UPF2: variants seen among roughly 807,000 people sequenced by gnomAD.
The protein encoded by UPF2 is UPF2 regulator of nonsense mediated mRNA decay.
UPF2 carries 17 observed loss-of-function variants against 141.4 expected under a neutral mutation model. That is an observed-to-expected ratio of 0.12 (90% CI 0.08 to 0.18). The LOEUF (loss-of-function observed/expected upper bound fraction) is 0.18, where lower values mean the gene tolerates loss of function less well. Among genes scored for constraint, UPF2 ranks in the 10% least tolerant of loss-of-function variants. UPF2 has a pLI of 1.00. For missense variants in UPF2, 1,152 were observed against 1,515.9 expected, an observed-to-expected ratio of 0.76 and a Z score of 3.99; for synonymous variants, 540 against 498.0, an observed-to-expected ratio of 1.08 and a Z score of -1.12.
rs1454743260 is a variant in UPF2 at position 11,936,969 on chromosome 10, C to A, written c.3379-257G>T. 6.6e-6 allele frequency among the ~76,000 whole-genome samples: 1 copy of A among 152,212 alleles called. No individual in the cohort carries two copies. The highest frequency in any genetic ancestry group is 1.5e-5 in the Non-Finnish European group (1 of 68,030). On this transcript the variant is annotated intron_variant, in intron 18 of 21. Transcript: ENST00000357604. The surrounding 1 kb of genome is among the most constrained non-coding windows in gnomAD (Gnocchi z 6.6). ...ACTTGGCTGCTGTTGACTGCTCCAG[C>A]CTCTCCCAAGCACGCAGTGCTGCGG...
In UPF2 at chr10:12,010,868, G is replaced by C. The variant is rs527700819; in HGVS notation, c.1306+3156C>G. ...TATAGATTATATAAATAAGAACAAA[G>C]GTCAGAAAGGTAGGAGCATTCTTGA... On this transcript the variant is annotated intron_variant, in intron 4 of 21. Coordinates refer to ENST00000357604, the MANE Select transcript of UPF2 (RefSeq NM_015542.4). 9.9e-5 allele frequency among the ~76,000 whole-genome samples: 15 copies of C among 151,864 alleles called. No individual in the cohort carries two copies. The South Asian group carries it at 3.1e-3, about 32-fold the overall frequency.
At chr10:11,984,067 G>T (rs979281506) in intron 8 of UPF2, among the ~76,000 whole-genome samples, 1 of 152,050 alleles carries the variant, frequency 6.6e-6, no homozygotes, top group Non-Finnish European at 1.5e-5. Context: ...GGGATTACAG[G>T]TATGCACCAC....
chr10:11,961,191 C>T (rs954644381), intron 11 of UPF2, among the ~76,000 whole-genome samples: 1 of 151,586 alleles, frequency 6.6e-6, no homozygotes, highest in South Asian at 2.1e-4. Context: ...TTCCTACTTA[C>T]AAGAAACTTA....
At chr10:12,003,595 AAGGACATC>A (rs1413405397) in intron 5 of UPF2, among the ~76,000 whole-genome samples, 1 of 152,186 alleles carries the variant, frequency 6.6e-6, no homozygotes, top group African/African-American at 2.4e-5. Flanking sequence ...AAAGTTATTC[AAGGACATC>A]AGGTAGGCAG....
intron 14 of UPF2, among the ~76,000 whole-genome samples, chr10:11,952,505 C>A (rs899200645): frequency 1.6e-5 from 2 of 123,668 alleles, no homozygotes; most frequent in Middle Eastern, 0.014. Context: ...GATGGAGTCT[C>A]GCTCTGTCAC....
At chr10:11,987,528 C>T (rs917768053) in intron 8 of UPF2, among the ~76,000 whole-genome samples, 1 of 151,742 alleles carries the variant, frequency 6.6e-6, no homozygotes, top group African/African-American at 2.4e-5. Flanking sequence ...GAGGCCTAGG[C>T]GGGTGGATCA....
At chr10:12,000,711 C>T (rs1034647154) in intron 6 of UPF2, among the ~76,000 whole-genome samples, 1 of 152,052 alleles carries the variant, frequency 6.6e-6, no homozygotes, top group Non-Finnish European at 1.5e-5. Context: ...GAGGTTGATG[C>T]AGGAGGATGA....
intron 8 of UPF2, among the ~76,000 whole-genome samples, chr10:11,984,323 T>A (rs1833650447): frequency 6.6e-6 from 1 of 152,238 alleles, no homozygotes; most frequent in African/African-American, 2.4e-5. Flanking sequence ...AAATTATGTT[T>A]CACTGAGATT....
chr10:12,024,931 CAAAAAAAAAAAAAAAA>C (rs61678431), intron 3 of UPF2, among the ~76,000 whole-genome samples: 11 of 53,490 alleles, frequency 2.1e-4, no homozygotes, highest in African/African-American at 7.7e-4. Context: ...GACCCTGTTA[CAAAAAAAAAAAAAAAA>C]AAAAAAAAAA....
intron 9 of UPF2, among the ~76,000 whole-genome samples, chr10:11,972,896 T>C (rs1291720549): frequency 6.6e-5 from 10 of 152,164 alleles, no homozygotes; most frequent in Non-Finnish European, 1.2e-4. Flanking sequence ...TGGGTATATA[T>C]CCAGTAATGG....
At position 11,931,867 on chromosome 10, in the gene UPF2, C is replaced by T. The variant is rs938966232; in HGVS notation, c.3547-85G>A. On this transcript the variant is annotated intron_variant, in intron 19 of 21. Transcript: ENST00000357604. This position sits in a 1 kb window ranked among gnomAD's most constrained non-coding sequence, Gnocchi z 5.9. ...CAGACTTCAAATAAAATAGCAAGTA[C>T]AGGCTGGGCACGGTGGCTCACGCCT... 2.0e-6 allele frequency: 3 copies of T among 1,471,798 alleles called. No individual in the cohort carries two copies. The African/African-American group carries it at 4.3e-5, about 21-fold the overall frequency. 91.2% of individuals were successfully genotyped at this position (1,471,798 alleles called of 1,614,324 possible). A position where few individuals can be genotyped will look rare whatever the true frequency, so the allele number is the denominator to read the frequency against.
chr10:11,952,632 G>A (rs866899780), intron 14 of UPF2, among the ~76,000 whole-genome samples: 4 of 151,676 alleles, frequency 2.6e-5, no homozygotes, highest in Admixed American at 1.3e-4. Context: ...ATGCCACCAC[G>A]CCCGGCTACT....
intron 10 of UPF2, among the ~76,000 whole-genome samples, chr10:11,964,408 C>A (rs564698189): frequency 6.6e-6 from 1 of 152,216 alleles, no homozygotes; most frequent in Non-Finnish European, 1.5e-5. Context: ...GCCACATACA[C>A]AGCAGACATT....
At chr10:11,985,075 A>C (rs1246560098) in intron 8 of UPF2, among the ~76,000 whole-genome samples, 1 of 152,208 alleles carries the variant, frequency 6.6e-6, no homozygotes, top group Non-Finnish European at 1.5e-5. Context: ...TCAATGAAGT[A>C]ACAACACGGG....
In UPF2 at chr10:11,956,730, G is replaced by A. The variant is rs1833157411; in HGVS notation, c.2371-207C>T. On this transcript the variant is annotated intron_variant, in intron 12 of 21. Transcript: ENST00000357604. This position sits in a 1 kb window ranked among gnomAD's most constrained non-coding sequence, Gnocchi z 4.2. ...ATCATCTTTCCTAAATCCTTCCATA[G>A]TGCTCTCAAATTTTCTAGAGTTTTC... Among the ~76,000 whole-genome samples the A allele has an allele frequency of 6.6e-6, 1 of 152,060 alleles. No homozygotes were observed.
Position 11,946,172 on chromosome 10 carries a change from T to C in UPF2, c.3174+2197A>G, listed in dbSNP as rs77255797. On this transcript the variant is annotated intron_variant, in intron 16 of 21. Transcript: ENST00000357604. ...GAAAACCATACATTATTGCCTATAC[T>C]GTCTTTTCACAACCAATCCTTTTTA... 6.8e-3 allele frequency among the ~76,000 whole-genome samples: 1,035 copies of C among 152,348 alleles called. 7 individuals are homozygous for C. Among genetic ancestry groups the C allele is most frequent in the African/African-American group, 0.023 (965 of 41,584 alleles).
chr10:11,942,113 G>A (rs1424593352), intron 18 of UPF2, among the ~76,000 whole-genome samples: 2 of 152,086 alleles, frequency 1.3e-5, no homozygotes, highest in Non-Finnish European at 1.5e-5. Context: ...GGTGGCTCAC[G>A]CTGTAATCCC....
chr10:12,029,401 G>C lies in UPF2; in HGVS notation c.489C>G (p.Arg163=). The C allele has an allele frequency of 6.2e-7, 1 of 1,614,206 alleles. No homozygotes were observed. The highest frequency in any genetic ancestry group is 8.5e-7 in the Non-Finnish European group (1 of 1,180,044). ...DSRPEENFFS[R]LDSSLKKNTA... ...TATTTTTCTTCAAACTTGAGTCGAGGCGGCTGAAGAAGTTTTCCTCTGGTC... is the reference window on the plus strand; with the variant it reads ...TATTTTTCTTCAAACTTGAGTCGAGCCGGCTGAAGAAGTTTTCCTCTGGTC... Residue 163 remains arginine, a synonymous_variant, in exon 3 of 22, where the codon CGC becomes CGG. Transcript: ENST00000357604.
rs1055962496 is a variant in UPF2 at position 11,956,601 on chromosome 10, T to C, written c.2371-78A>G. The C allele has an allele frequency of 6.8e-5, 93 of 1,372,546 alleles. No individual in the cohort carries two copies. Among genetic ancestry groups the C allele is most frequent in the Admixed American group, 6.0e-4 (29 of 48,096 alleles). 85.0% of individuals were successfully genotyped at this position (1,372,546 alleles called of 1,614,324 possible). A position where few individuals can be genotyped will look rare whatever the true frequency, so the allele number is the denominator to read the frequency against. On this transcript the variant is annotated intron_variant, in intron 12 of 21. Coordinates refer to ENST00000357604, the MANE Select transcript of UPF2 (RefSeq NM_015542.4). The surrounding 1 kb of genome is among the most constrained non-coding windows in gnomAD (Gnocchi z 4.2). Reference sequence around the variant, plus strand: ...ACCAAATAATACAGAAATTTTGCTATGATTGCGCAGAGAACTTTTGAAATA... The same window carrying C: ...ACCAAATAATACAGAAATTTTGCTACGATTGCGCAGAGAACTTTTGAAATA...
Sources: allele counts gnomAD v4.1 joint callset (sites outside exome capture counted in the v4.1 genomes callset), GRCh38; gene constraint gnomAD v4.1.1; non-coding constraint Gnocchi (gnomAD v3.1); transcripts MANE v1.5; gene names NCBI Gene and HGNC (gene_info 2026-07-23, HGNC 2026-07-21).